STXBP5L: variants seen among roughly 807,000 people sequenced by gnomAD.
STXBP5L encodes the protein syntaxin binding protein 5L, also known as syntaxin-binding protein 5-like.
STXBP5L carries 65 observed loss-of-function variants against 144.5 expected under a neutral mutation model. That is an observed-to-expected ratio of 0.45 (90% CI 0.37 to 0.55). STXBP5L has a LOEUF of 0.55. Among genes scored for constraint, STXBP5L ranks in the 20% least tolerant of loss-of-function variants. STXBP5L has a pLI of 0.00. For synonymous variants in STXBP5L, 505 were observed against 469.6 expected, an observed-to-expected ratio of 1.08 and a Z score of -0.97; for missense variants, 1,298 against 1,405.5, an observed-to-expected ratio of 0.92 and a Z score of 1.22.
chr3:121,349,000 C>A (rs188258582), intron 20 of STXBP5L, among the ~76,000 whole-genome samples: 1 of 152,164 alleles, frequency 6.6e-6, no homozygotes, highest in East Asian at 1.9e-4. Context: ...ATTCTGTTAG[C>A]TTTTGAATGT....
At chr3:120,976,329 T>C (rs574462554) in intron 3 of STXBP5L, among the ~76,000 whole-genome samples, 85 of 152,252 alleles carry the variant, frequency 5.6e-4, no homozygotes, top group Middle Eastern at 3.4e-3. Flanking sequence ...AGTTTATTTG[T>C]GTAGAGGTGT....
At position 121,323,184 on chromosome 3, in the gene STXBP5L, G is replaced by A. The variant is rs573245623; in HGVS notation, c.2176+4644G>A. 1.4e-4 allele frequency among the ~76,000 whole-genome samples: 21 copies of A among 152,236 alleles called. No individual in the cohort carries two copies. In the East Asian group the frequency reaches 3.9e-3, roughly 28 times the overall value. Reference sequence around the variant, plus strand: ...TGATTGTTTCTCTTGCTGTGCAGAAGCTTTTTAATTAGGTCCCACTCATCA... The same window carrying A: ...TGATTGTTTCTCTTGCTGTGCAGAAACTTTTTAATTAGGTCCCACTCATCA... On this transcript the variant is annotated intron_variant, in intron 20 of 26. Transcript: ENST00000471454.
At chr3:121,341,136 A>T (rs956028614) in intron 20 of STXBP5L, among the ~76,000 whole-genome samples, 2 of 152,174 alleles carry the variant, frequency 1.3e-5, no homozygotes, top group Non-Finnish European at 2.9e-5. Flanking sequence ...TAACCAGAAT[A>T]TATAAGGAGC....
intron 20 of STXBP5L, among the ~76,000 whole-genome samples, chr3:121,340,258 C>G (rs1039584927): frequency 1.3e-5 from 2 of 152,040 alleles, no homozygotes; most frequent in Non-Finnish European, 1.5e-5. Flanking sequence ...CAAATACTTA[C>G]AACCAAATGA....
At chr3:121,193,851 A>G (rs1443742937) in intron 9 of STXBP5L, among the ~76,000 whole-genome samples, 1 of 152,142 alleles carries the variant, frequency 6.6e-6, no homozygotes, top group Non-Finnish European at 1.5e-5. Flanking sequence ...GAGGGATAGC[A>G]TTAGGAGAAT....
intron 9 of STXBP5L, among the ~76,000 whole-genome samples, chr3:121,165,042 A>T (rs2046451948): frequency 6.6e-6 from 1 of 152,226 alleles, no homozygotes; most frequent in Admixed American, 6.5e-5. Context: ...CCACCAAAAA[A>T]ATGGTTAAAT....
intron 2 of STXBP5L, among the ~76,000 whole-genome samples, chr3:120,950,296 T>A (rs1221615275): frequency 6.6e-6 from 1 of 152,070 alleles, no homozygotes; most frequent in Non-Finnish European, 1.5e-5. Flanking sequence ...CAATGAATTG[T>A]CTTGGCACTC....
chr3:121,200,056 T>C (rs1278879092), intron 9 of STXBP5L, among the ~76,000 whole-genome samples: 1 of 152,214 alleles, frequency 6.6e-6, no homozygotes, highest in African/African-American at 2.4e-5. Flanking sequence ...TCAGAAGGAA[T>C]GGTTCCAGCT....
At position 121,257,196 on chromosome 3, in the gene STXBP5L, T is replaced by C. The variant is rs1434932805; in HGVS notation, c.1695T>C (p.Asp565=). 3.7e-6 allele frequency: 6 copies of C among 1,613,256 alleles called. No homozygotes were observed. The Admixed American group carries it at 1.0e-4, about 27-fold the overall frequency. The change falls in exon 17 of 27, where the codon GAT becomes GAC. Residue 565 remains aspartate, a synonymous_variant. Coordinates refer to ENST00000471454, the MANE Select transcript of STXBP5L (RefSeq NM_001308330.2). The part of the protein sequence containing the change: ...LEVRLQYDVE[D]IITPEPETSP... ...TACGACTTCAGTATGATGTTGAAGA[T>C]ATTATTACCCCTGAACCAGAAACAA...
chr3:121,223,297 A>AAC, intron 11 of STXBP5L, 140 bp downstream of exon 11: 1 of 801,692 alleles, frequency 1.2e-6, no homozygotes, highest in Non-Finnish European at 1.9e-6. Flanking sequence ...AGGTTCTGCA[A>AAC]CTGTACCTAC....
chr3:121,206,206 A>G (rs1344670875), intron 10 of STXBP5L, among the ~76,000 whole-genome samples: 1 of 152,190 alleles, frequency 6.6e-6, no homozygotes, highest in Non-Finnish European at 1.5e-5. Context: ...TAATTATTTC[A>G]GGATTCTTAA....
At chr3:120,947,863 G>A (rs551689316) in intron 2 of STXBP5L, among the ~76,000 whole-genome samples, 1 of 151,874 alleles carries the variant, frequency 6.6e-6, no homozygotes, top group Admixed American at 6.6e-5. Context: ...TCAGTCGATG[G>A]ACATTTGAGT....
chr3:121,358,126 T>TAG (rs1327979271), intron 20 of STXBP5L, among the ~76,000 whole-genome samples: 2 of 152,172 alleles, frequency 1.3e-5, no homozygotes, highest in African/African-American at 2.4e-5. Context: ...ACAGTCCAAT[T>TAG]ACATTCTTTA....
intron 22 of STXBP5L, among the ~76,000 whole-genome samples, chr3:121,402,909 C>T (rs553124376): frequency 5.9e-5 from 9 of 152,154 alleles, no homozygotes; most frequent in South Asian, 2.1e-4. Flanking sequence ...AGCTCACTGT[C>T]GCCCTGAACT....
intron 3 of STXBP5L, among the ~76,000 whole-genome samples, chr3:121,030,847 G>A (rs185816414): frequency 1.3e-5 from 2 of 151,918 alleles, no homozygotes; most frequent in African/African-American, 4.8e-5. Flanking sequence ...TTTTAAACCT[G>A]ATCAATTAAA....
intron 5 of STXBP5L, among the ~76,000 whole-genome samples, chr3:121,086,532 T>C (rs1413324423): frequency 6.6e-6 from 1 of 152,126 alleles, no homozygotes; most frequent in African/African-American, 2.4e-5. Flanking sequence ...TACAGTAACA[T>C]ACGGTACAGG....
At chr3:121,391,201 G>A (rs985220553) in intron 22 of STXBP5L, among the ~76,000 whole-genome samples, 2 of 152,068 alleles carry the variant, frequency 1.3e-5, no homozygotes, top group African/African-American at 4.8e-5. Context: ...TTGTGCATGT[G>A]TCATGAAGTT....
intron 10 of STXBP5L, 95 bp downstream of exon 10, chr3:121,206,096 A>T: frequency 1.5e-6 from 1 of 666,018 alleles, no homozygotes; most frequent in Non-Finnish European, 2.4e-6. Context: ...AGTTTTACAA[A>T]ATTGTAAAGA....
intron 3 of STXBP5L, among the ~76,000 whole-genome samples, chr3:121,023,943 A>G (rs910018227): frequency 6.6e-6 from 1 of 152,188 alleles, no homozygotes; most frequent in South Asian, 2.1e-4. Context: ...TATTTTTAGT[A>G]GAGATGGAGT....
Sources: allele counts gnomAD v4.1 joint callset (sites outside exome capture counted in the v4.1 genomes callset), GRCh38; gene constraint gnomAD v4.1.1; transcripts MANE v1.5; gene names NCBI Gene and HGNC (gene_info 2026-07-23, HGNC 2026-07-21).